PUM1: variants seen among roughly 807,000 people sequenced by gnomAD.
The protein encoded by PUM1 is pumilio homolog 1.
In PUM1, 13 loss-of-function variants were observed where a neutral mutation model predicts 131.8. That is an observed-to-expected ratio of 0.10 (90% CI 0.06 to 0.16). The LOEUF (loss-of-function observed/expected upper bound fraction) is 0.16, where lower values mean the gene tolerates loss of function less well. Among genes scored for constraint, PUM1 ranks in the 10% least tolerant of loss-of-function variants. The pLI, the probability that PUM1 is intolerant of heterozygous loss-of-function variation, is 1.00. For synonymous variants in PUM1, 509 were observed against 556.5 expected (o/e 0.91, Z 1.20); for missense variants, 961 against 1,512.4 (o/e 0.64, Z 6.05).
At position 31,018,330 on chromosome 1, in the gene PUM1, C is replaced by G. The variant is rs182255805; in HGVS notation, c.432+10466G>C. 3.4e-4 allele frequency among the ~76,000 whole-genome samples: 51 copies of G among 151,330 alleles called. No individual in the cohort carries two copies. In the East Asian group the frequency reaches 6.3e-3, roughly 19 times the overall value. On this transcript the variant is annotated intron_variant, in intron 3 of 21. Transcript: ENST00000426105. ...CGCCACTGCACTCAAGCCTGGATGA[C>G]AGAGAGAGACTCCATCTCAAAAAAA...
intron 3 of PUM1, 135 bp downstream of exon 3, chr1:31,028,661 T>C: frequency 1.3e-6 from 1 of 797,256 alleles, no homozygotes; most frequent in Admixed American, 2.0e-5. Context: ...CAGCATCCCG[T>C]TCCTATCATG....
At chr1:30,939,669 G>C (rs1440463257) in intron 20 of PUM1, among the ~76,000 whole-genome samples, 1 of 152,122 alleles carries the variant, frequency 6.6e-6, no homozygotes, top group Non-Finnish European at 1.5e-5. Context: ...TTATCAATGG[G>C]AGGACTGGGC....
At chr1:30,934,039 TGCTCTCAAGGCACGC>T (rs1639092781) in intron 21 of PUM1, among the ~76,000 whole-genome samples, 1 of 152,156 alleles carries the variant, frequency 6.6e-6, no homozygotes, top group Non-Finnish European at 1.5e-5. Context: ...CTCCCCACTG[TGCTCTCAAGGCACGC>T]CCGCCACACC....
chr1:30,985,096 A>C (rs1196139961), intron 7 of PUM1, among the ~76,000 whole-genome samples: 2 of 152,194 alleles, frequency 1.3e-5, no homozygotes, highest in African/African-American at 4.8e-5. Flanking sequence ...CAAATCGCTT[A>C]ATCTCTCTGT....
At chr1:30,986,143 C>T (rs965019696) in intron 7 of PUM1, among the ~76,000 whole-genome samples, 6 of 152,190 alleles carry the variant, frequency 3.9e-5, no homozygotes, top group Admixed American at 2.0e-4. Flanking sequence ...TTACTAGAGA[C>T]GGGGTTTCAC....
intron 11 of PUM1, chr1:30,968,102 C>T: frequency 4.7e-6 from 3 of 643,504 alleles, no homozygotes; most frequent in Non-Finnish European, 8.8e-6. Context: ...AGATAATCCA[C>T]CAAGGAAAAA....
At chr1:31,057,050 C>A (rs1317643526) in intron 2 of PUM1, among the ~76,000 whole-genome samples, 1 of 152,170 alleles carries the variant, frequency 6.6e-6, no homozygotes, top group Admixed American at 6.5e-5. Flanking sequence ...ACCTCGGCCT[C>A]CCAAAGTGCT....
chr1:31,022,027 G>A (rs571242803), intron 3 of PUM1, among the ~76,000 whole-genome samples: 3 of 150,186 alleles, frequency 2.0e-5, no homozygotes, highest in African/African-American at 4.9e-5. Flanking sequence ...ATAGTTCTGG[G>A]AAAATTGTAT....
chr1:30,968,141 A>G, intron 11 of PUM1: 1 of 748,592 alleles, frequency 1.3e-6, no homozygotes, highest in African/African-American at 1.7e-5. Flanking sequence ...ATGGACATTT[A>G]GATACCTCCA....
chr1:31,059,708 T>C, intron 1 of PUM1, 131 bp from the exon 2 acceptor site: 1 of 1,080,866 alleles, frequency 9.3e-7, no homozygotes, highest in Non-Finnish European at 1.3e-6. Context: ...TCTGGCAAGG[T>C]ATTGGGATCA....
intron 14 of PUM1, among the ~76,000 whole-genome samples, chr1:30,957,738 AATAG>A (rs1640229409): frequency 1.3e-5 from 2 of 152,252 alleles, no homozygotes; most frequent in Admixed American, 1.3e-4. Flanking sequence ...TCATAGATCT[AATAG>A]ATGCCTAATG....
chr1:31,046,550 C>T (rs1180685631), intron 2 of PUM1, among the ~76,000 whole-genome samples: 4 of 138,988 alleles, frequency 2.9e-5, no homozygotes, highest in African/African-American at 1.1e-4. Context: ...CTCTGTCACT[C>T]AGGCTGGAGT....
At chr1:30,955,428 G>A (rs756235032) in intron 14 of PUM1, among the ~76,000 whole-genome samples, 5 of 147,816 alleles carry the variant, frequency 3.4e-5, no homozygotes, top group Non-Finnish European at 7.4e-5. Flanking sequence ...TTGTGCCACT[G>A]CACTCCAGCC....
intron 3 of PUM1, among the ~76,000 whole-genome samples, chr1:31,008,770 G>A (rs565364719): frequency 3.6e-4 from 54 of 152,090 alleles, no homozygotes; most frequent in Non-Finnish European, 6.0e-4. Context: ...GCAAAACAGC[G>A]GTCAAACCAG....
At chr1:31,038,261 T>G (rs1264753315) in intron 2 of PUM1, among the ~76,000 whole-genome samples, 2 of 151,632 alleles carry the variant, frequency 1.3e-5, no homozygotes, top group African/African-American at 4.8e-5. Flanking sequence ...CTACCAGGCA[T>G]GCCTACAGTG....
intron 14 of PUM1, among the ~76,000 whole-genome samples, chr1:30,958,668 T>C (rs2124426937): frequency 6.6e-6 from 1 of 152,280 alleles, no homozygotes; most frequent in Middle Eastern, 3.4e-3. Flanking sequence ...TTACTTTTTT[T>C]CTCTTTGAGA....
At chr1:31,050,902 T>C in intron 2 of PUM1, 1 of 255,934 alleles carries the variant, frequency 3.9e-6, no homozygotes, top group Admixed American at 3.5e-5. Context: ...CTGGAGCCAC[T>C]CGCAAAAATT....
chr1:31,036,744 T>A (rs530971328), intron 2 of PUM1: 1 of 152,910 alleles, frequency 6.5e-6, no homozygotes, highest in Non-Finnish European at 1.5e-5. Context: ...TTTAGGTCTT[T>A]GGAGCCACAC....
intron 21 of PUM1, among the ~76,000 whole-genome samples, chr1:30,934,035 A>C (rs72884028): frequency 0.019 from 2,843 of 152,054 alleles, 98 homozygotes; most frequent in African/African-American, 0.064. Context: ...GTTTCTCCCC[A>C]CTGTGCTCTC....
Sources: gnomAD v4.1 joint callset for allele counts (sites outside exome capture counted in the v4.1 genomes callset) on GRCh38, gnomAD v4.1.1 for gene constraint, MANE v1.5 for transcripts, NCBI Gene and HGNC (gene_info 2026-07-23, HGNC 2026-07-21) for gene names.